The following KIAA0825 variants were observed in gnomAD, a reference collection of about 807,000 sequenced individuals.
KIAA0825 encodes the protein uncharacterized protein KIAA0825.
Under a neutral mutation model 147.6 loss-of-function variants are expected in KIAA0825, and 119 were observed. That is an observed-to-expected ratio of 0.81 (90% CI 0.69 to 0.94). The LOEUF is 0.94. Ranked by LOEUF, KIAA0825 falls within the 40% of genes least tolerant of loss-of-function variation. The pLI is 0.00. For missense variants in KIAA0825, 1,381 were observed against 1,472.7 expected, an observed-to-expected ratio of 0.94 and a Z score of 1.02; for synonymous variants, 470 against 518.1, an observed-to-expected ratio of 0.91 and a Z score of 1.26.
intron 20 of KIAA0825, among the ~76,000 whole-genome samples, chr5:94,275,552 C>A (rs1777185901): frequency 1.3e-5 from 2 of 152,058 alleles, no homozygotes; most frequent in Non-Finnish European, 1.5e-5. Flanking sequence ...GGACCTAGCA[C>A]ACAGTTCGTA....
chr5:94,247,018 T>C (rs1021089523), intron 20 of KIAA0825, among the ~76,000 whole-genome samples: 1 of 152,196 alleles, frequency 6.6e-6, no homozygotes, highest in African/African-American at 2.4e-5. Flanking sequence ...CTCTTCATCT[T>C]CACTTTTGCC....
intron 2 of KIAA0825, chr5:94,569,762 C>A: frequency 3.9e-6 from 1 of 255,228 alleles, no homozygotes; most frequent in South Asian, 1.6e-4. Context: ...AGACGTAAAC[C>A]ATGGCTGAAT....
intron 20 of KIAA0825, among the ~76,000 whole-genome samples, chr5:94,359,223 G>T (rs1217041347): frequency 6.6e-6 from 1 of 152,156 alleles, no homozygotes; most frequent in African/African-American, 2.4e-5. Context: ...CCACCCCAGA[G>T]ATTCTGATTT....
intron 20 of KIAA0825, among the ~76,000 whole-genome samples, chr5:94,167,571 T>C (rs1301364119): frequency 1.3e-5 from 2 of 152,194 alleles, no homozygotes; most frequent in Non-Finnish European, 1.5e-5. Context: ...CTTTAGTTAT[T>C]TCCTCAAGCT....
Position 94,520,573 on chromosome 5 carries a change from T to C in KIAA0825, c.645A>G (p.Ile215Met), listed in dbSNP as rs1379873731. The change falls in exon 5 of 21, where the codon ATA (isoleucine) becomes ATG (methionine). Residue 215 changes from isoleucine (I) to methionine (M), a missense_variant. Ile to Met is a conservative substitution (Grantham distance 10, BLOSUM62 1). Coordinates refer to ENST00000682413, the MANE Select transcript of KIAA0825 (RefSeq NM_001145678.3). ...GAAGATTAGCCAACAGTTTATTCTG[T>C]ATGTTTTGGTATTTGATTATAACTT... ...ESEVIIKYQNIQNKLLANLLW... is the reference protein window; with the variant it reads ...ESEVIIKYQNMQNKLLANLLW... 1.2e-6 allele frequency: 2 copies of C among 1,613,418 alleles called. No homozygotes were observed. The highest frequency in any genetic ancestry group is 8.5e-7 in the Non-Finnish European group (1 of 1,179,512).
At chr5:94,514,254 A>G (rs1332038137) in intron 5 of KIAA0825, among the ~76,000 whole-genome samples, 2 of 152,148 alleles carry the variant, frequency 1.3e-5, no homozygotes, top group Non-Finnish European at 2.9e-5. Context: ...GAATAAAATG[A>G]CATTCTTCAT....
At chr5:94,231,099 A>C (rs1774657645) in intron 20 of KIAA0825, among the ~76,000 whole-genome samples, 1 of 152,178 alleles carries the variant, frequency 6.6e-6, no homozygotes, top group Admixed American at 6.5e-5. Flanking sequence ...AAAAATTCTG[A>C]AATTTTTCCG....
intron 20 of KIAA0825, among the ~76,000 whole-genome samples, chr5:94,350,822 T>A (rs1295413129): frequency 6.6e-6 from 1 of 151,268 alleles, no homozygotes; most frequent in Non-Finnish European, 1.5e-5. Context: ...GCCAACATAA[T>A]ACTGAATGGG....
intron 2 of KIAA0825, among the ~76,000 whole-genome samples, chr5:94,559,868 G>A (rs1368062184): frequency 6.6e-6 from 1 of 152,118 alleles, no homozygotes; most frequent in African/African-American, 2.4e-5. Flanking sequence ...ATATTTTGAG[G>A]TGGCTGTCAG....
intron 20 of KIAA0825, among the ~76,000 whole-genome samples, chr5:94,298,116 GGGC>G (rs1203760047): frequency 3.3e-5 from 5 of 151,408 alleles, no homozygotes; most frequent in African/African-American, 1.2e-4. Flanking sequence ...GTGTGGTGGT[GGGC>G]ACCTGTAATC....
chr5:94,537,523 C>T (rs916832836), intron 2 of KIAA0825, among the ~76,000 whole-genome samples: 3 of 151,522 alleles, frequency 2.0e-5, no homozygotes, highest in Non-Finnish European at 4.4e-5. Flanking sequence ...TGATGGTGGG[C>T]GCCTGTAGTC....
chr5:94,606,765 A>C (rs1308072524), intron 1 of KIAA0825, among the ~76,000 whole-genome samples: 2 of 152,200 alleles, frequency 1.3e-5, no homozygotes, highest in Non-Finnish European at 2.9e-5. Flanking sequence ...AAAAACAAAC[A>C]AACATATTAA....
At chr5:94,292,541 A>T (rs1777945887) in intron 20 of KIAA0825, among the ~76,000 whole-genome samples, 1 of 151,942 alleles carries the variant, frequency 6.6e-6, no homozygotes, top group Non-Finnish European at 1.5e-5. Flanking sequence ...TTGAGGATTT[A>T]TTGAGGTTTA....
intron 2 of KIAA0825, among the ~76,000 whole-genome samples, chr5:94,551,631 T>C (rs1273708571): frequency 6.6e-6 from 1 of 151,982 alleles, no homozygotes; most frequent in Non-Finnish European, 1.5e-5. Context: ...CCTTCAGAAA[T>C]GGAGAAACAG....
At chr5:94,478,025 A>C (rs568594611) in intron 6 of KIAA0825, among the ~76,000 whole-genome samples, 2 of 152,328 alleles carry the variant, frequency 1.3e-5, no homozygotes, top group South Asian at 4.1e-4. Context: ...TGATTTACCA[A>C]GAATCAATTT....
At chr5:94,381,631 G>A (rs1748426419) in intron 20 of KIAA0825, among the ~76,000 whole-genome samples, 1 of 152,128 alleles carries the variant, frequency 6.6e-6, no homozygotes, top group Non-Finnish European at 1.5e-5. Context: ...AGATACTGAG[G>A]GATGACTGTA....
intron 10 of KIAA0825, among the ~76,000 whole-genome samples, chr5:94,467,430 C>A (rs1760688481): frequency 6.6e-6 from 1 of 152,162 alleles, no homozygotes; most frequent in Admixed American, 6.5e-5. Flanking sequence ...AGAAGCCACT[C>A]AATATTATCT....
chr5:94,187,034 C>T (rs1012776582), intron 20 of KIAA0825, among the ~76,000 whole-genome samples: 1 of 151,978 alleles, frequency 6.6e-6, no homozygotes, highest in African/African-American at 2.4e-5. Context: ...GTTCTTGAGC[C>T]GAAGAATAAA....
At chr5:94,608,649 T>C (rs1416974364) in intron 1 of KIAA0825, among the ~76,000 whole-genome samples, 4 of 146,244 alleles carry the variant, frequency 2.7e-5, no homozygotes, top group Non-Finnish European at 3.0e-5. Context: ...TTAGTATTAA[T>C]ACTTTGATTA....
Sources: gnomAD v4.1 joint callset for allele counts (sites outside exome capture counted in the v4.1 genomes callset) on GRCh38, gnomAD v4.1.1 for gene constraint, MANE v1.5 for transcripts, NCBI Gene and HGNC (gene_info 2026-07-23, HGNC 2026-07-21) for gene names.